The following MEI1 variants were observed in gnomAD, a reference collection of about 807,000 sequenced individuals.
MEI1 encodes the protein meiotic double-stranded break formation protein 1, also known as meiosis inhibitor protein 1.
In MEI1, 103 loss-of-function variants were observed where a neutral mutation model predicts 146.2. The ratio of observed to expected loss-of-function variants is 0.70; its 90% CI spans 0.60 to 0.83. The LOEUF (loss-of-function observed/expected upper bound fraction) is 0.83. MEI1 is among the 40% of genes least tolerant of loss of function. MEI1 has a pLI of 0.00. For synonymous variants in MEI1, 652 were observed against 628.2 expected (o/e 1.04, Z -0.57); for missense variants, 1,529 against 1,533.0 (o/e 1.00, Z 0.04).
rs2068541531 is a variant in MEI1 at position 41,699,692 on chromosome 22, C to T, written c.154C>T (p.Leu52=). The T allele has an allele frequency of 6.3e-7, 1 of 1,584,602 alleles. No homozygotes were observed. The highest frequency in any genetic ancestry group is 8.6e-7 in the Non-Finnish European group (1 of 1,166,314). Residue 52 remains leucine (L), a synonymous_variant, in exon 1 of 31, where the codon CTG becomes TTG. Coordinates refer to ENST00000401548, the MANE Select transcript of MEI1 (RefSeq NM_152513.4). ...RLCLACALEL[L]PDPGVSLVRK... ...GTGCCTGGCCTGCGCGCTGGAGCTG[C>T]TGCCGGACCCCGGCGTGTCGGTGCG... is the stretch of plus-strand genomic sequence containing the variant.
intron 16 of MEI1, among the ~76,000 whole-genome samples, chr22:41,753,330 A>T (rs1229659214): frequency 6.6e-6 from 1 of 151,602 alleles, no homozygotes; most frequent in Non-Finnish European, 1.5e-5. Flanking sequence ...TTTTTTTTTA[A>T]TTAGCCAGAC....
chr22:41,770,620 G>A, intron 19 of MEI1, 66 bp from the exon 20 acceptor site: 3 of 1,465,390 alleles, frequency 2.0e-6, no homozygotes, highest in Non-Finnish European at 2.8e-6. Context: ...TCATCTCTTG[G>A]CCATGTTGGG....
intron 6 of MEI1, 45 bp downstream of exon 6, chr22:41,718,319 A>G (rs1243024339): frequency 6.3e-7 from 1 of 1,577,844 alleles, no homozygotes; most frequent in Non-Finnish European, 8.6e-7. Context: ...AGTTTTTGAC[A>G]TTTTGCTAGA....
At chr22:41,703,500 T>A in intron 2 of MEI1, 46 bp downstream of exon 2, 1 of 1,467,612 alleles carries the variant, frequency 6.8e-7, no homozygotes, top group Non-Finnish European at 9.0e-7. Flanking sequence ...ATGTATAGTA[T>A]GTATATCTGC....
chr22:41,729,036 C>T (rs951192127), intron 7 of MEI1, among the ~76,000 whole-genome samples: 3 of 151,222 alleles, frequency 2.0e-5, no homozygotes, highest in Middle Eastern at 3.4e-3. Flanking sequence ...TGGTGGTGCA[C>T]GCCTGTAGTC....
chr22:41,781,554 G>A (rs2148153096), intron 23 of MEI1, 131 bp from the exon 24 acceptor site: 2 of 1,226,080 alleles, frequency 1.6e-6, no homozygotes, highest in South Asian at 3.0e-5. Flanking sequence ...TTATGAAGCT[G>A]GGACCCTTAG....
intron 3 of MEI1, among the ~76,000 whole-genome samples, chr22:41,707,370 T>C (rs773418393): frequency 6.6e-6 from 1 of 152,158 alleles, no homozygotes; most frequent in Non-Finnish European, 1.5e-5. Context: ...GGCCTAGTTA[T>C]GAAACTCAGA....
At position 41,732,276 on chromosome 22, in the gene MEI1, A is replaced by G. The variant is rs746639277; in HGVS notation, c.1128A>G (p.Gly376=). 3 of 1,611,960 alleles carry G rather than the reference A, an allele frequency of 1.9e-6. No individual in the cohort carries two copies. Among genetic ancestry groups the G allele is most frequent in the South Asian group, 2.2e-5 (2 of 90,534 alleles). ...AGGCAGTGGTGAGGAGCCTGCAGGGAAGCCTGAAGATGAACAACATAGAGC... is the reference window on the plus strand; with the variant it reads ...AGGCAGTGGTGAGGAGCCTGCAGGGGAGCCTGAAGATGAACAACATAGAGC... The part of the protein sequence containing the change: ...GIEAVVRSLQ[G]SLKMNNIELH... The change falls in exon 10 of 31, where the codon GGA becomes GGG. Residue 376 remains glycine, a synonymous_variant. Transcript: ENST00000401548.
intron 6 of MEI1, among the ~76,000 whole-genome samples, chr22:41,720,139 A>G (rs1415726503): frequency 2.6e-5 from 4 of 152,178 alleles, no homozygotes; most frequent in Non-Finnish European, 4.4e-5. Flanking sequence ...AGCAGAGGGT[A>G]GGAGCAGGGG....
rs143666705 is a variant in MEI1, at chr22:41,795,794, G to A, written c.3726G>A (p.Leu1242=). Reference sequence around the variant, plus strand: ...TGGCCCAGACCCTGCAGGCCTCCTTGGAGGGCCTTCCCCCTAGCACCTCCT... The same window carrying A: ...TGGCCCAGACCCTGCAGGCCTCCTTAGAGGGCCTTCCCCCTAGCACCTCCT... ...HSMAQTLQAS[L]EGLPPSTSSG... Residue 1242 remains leucine, a synonymous_variant, in exon 30 of 31, where the codon TTG becomes TTA. Transcript: ENST00000401548. This position sits in a 1 kb window ranked among gnomAD's most constrained non-coding sequence, Gnocchi z 4.2. The A allele has an allele frequency of 1.2e-6, 2 of 1,613,694 alleles. No homozygotes were observed. Among genetic ancestry groups the A allele is most frequent in the Non-Finnish European group, 1.7e-6 (2 of 1,179,778 alleles).
At chr22:41,764,172 G>A (rs1033804406) in intron 19 of MEI1, among the ~76,000 whole-genome samples, 4 of 152,088 alleles carry the variant, frequency 2.6e-5, no homozygotes, top group African/African-American at 9.7e-5. Context: ...CTGTTAGCCA[G>A]GATGGTCTCA....
At chr22:41,720,229 G>A in intron 6 of MEI1, among the ~76,000 whole-genome samples, 1 of 152,068 alleles carries the variant, frequency 6.6e-6, no homozygotes, top group East Asian at 1.9e-4. Context: ...AGAAACACGG[G>A]CCAGAGCACG....
intron 18 of MEI1, among the ~76,000 whole-genome samples, chr22:41,761,061 C>T (rs1327257988): frequency 6.6e-6 from 1 of 152,046 alleles, no homozygotes; most frequent in Non-Finnish European, 1.5e-5. Context: ...CCTGTAATCT[C>T]AGCACTTTGG....
intron 6 of MEI1, among the ~76,000 whole-genome samples, chr22:41,721,446 G>A (rs970281757): frequency 4.7e-5 from 7 of 148,550 alleles, no homozygotes; most frequent in East Asian, 2.1e-4. Flanking sequence ...GGGTTTCACC[G>A]TGTTAGCCAG....
chr22:41,714,886 A>G (rs2069948152), intron 4 of MEI1, among the ~76,000 whole-genome samples: 1 of 152,180 alleles, frequency 6.6e-6, no homozygotes. Context: ...ATCTAAAAAA[A>G]AAAAATATCA....
At chr22:41,780,277 TC>T (rs1258597833) in intron 22 of MEI1, among the ~76,000 whole-genome samples, 1 of 152,138 alleles carries the variant, frequency 6.6e-6, no homozygotes, top group African/African-American at 2.4e-5. Flanking sequence ...GGACTGTGGT[TC>T]GGGGTGGAGG....
intron 9 of MEI1, 125 bp downstream of exon 9, chr22:41,730,762 T>G: frequency 1.6e-6 from 1 of 643,820 alleles, no homozygotes; most frequent in South Asian, 1.8e-5. Context: ...AGACATTTCA[T>G]CAGCCCAAAC....
rs1451476929 is a variant in MEI1, at chr22:41,770,891, C to T, written c.2474C>T (p.Ala825Val). ...GATGTCACCTCTGCTGGGCAGCCCGCCCTTCCTGCCAGCTTAGTAGTCCTG... is the reference window on the plus strand; with the variant it reads ...GATGTCACCTCTGCTGGGCAGCCCGTCCTTCCTGCCAGCTTAGTAGTCCTG... The part of the protein sequence containing the change: ...LDDVTSAGQP[A>V]LPASLVVLFQ... The change falls in exon 20 of 31, where the codon GCC becomes GTC. Residue 825 changes from alanine (A) to valine (V), a missense_variant. Coordinates refer to ENST00000401548, the MANE Select transcript of MEI1 (RefSeq NM_152513.4). 3 of 1,613,944 alleles carry T rather than the reference C, an allele frequency of 1.9e-6. No individual in the cohort carries two copies. Among genetic ancestry groups the T allele is most frequent in the Non-Finnish European group, 2.5e-6 (3 of 1,179,914 alleles).
chr22:41,745,917 C>G lies in MEI1; in HGVS notation c.1571C>G (p.Ala524Gly). The change falls in exon 14 of 31, where the codon GCC (alanine) becomes GGC (glycine). Residue 524 changes from alanine (A) to glycine (G), a missense_variant. Transcript: ENST00000401548. ...LAIEFQSEPSAQENPFTAPSA... is the reference protein window; with the variant it reads ...LAIEFQSEPSGQENPFTAPSA... ...ATAGAATTCCAGAGTGAGCCTTCAG[C>G]CCAGGAGAATCCATTCACAGCTCCC... is the stretch of plus-strand genomic sequence containing the variant. The G allele has an allele frequency of 1.2e-6, 2 of 1,613,326 alleles. No homozygotes were observed. The highest frequency in any genetic ancestry group is 1.7e-6 in the Non-Finnish European group (2 of 1,179,414).
Sources: allele counts gnomAD v4.1 joint callset (sites outside exome capture counted in the v4.1 genomes callset), GRCh38; gene constraint gnomAD v4.1.1; non-coding constraint Gnocchi (gnomAD v3.1); transcripts MANE v1.5; gene names NCBI Gene and HGNC (gene_info 2026-07-23, HGNC 2026-07-21).